The following GALNT15 variants were observed in gnomAD, a reference collection of about 807,000 sequenced individuals.
GALNT15 encodes the protein UDP-GalNAc transferase T15.
A neutral mutation model predicts 66.8 loss-of-function variants in GALNT15; 67 were observed. The ratio of observed to expected loss-of-function variants is 1.00; its 90% CI spans 0.82 to 1.23. The LOEUF (loss-of-function observed/expected upper bound fraction) is 1.23. Among genes scored for constraint, GALNT15 ranks in the 50% most tolerant of loss-of-function variants. The pLI is 0.00. For missense variants in GALNT15, 827 were observed against 804.3 expected, an observed-to-expected ratio of 1.03 and a Z score of -0.34; for synonymous variants, 313 against 311.5, an observed-to-expected ratio of 1.00 and a Z score of -0.05.
chr3:16,196,563 G>A (rs1402461664), intron 2 of GALNT15, among the ~76,000 whole-genome samples: 6 of 152,112 alleles, frequency 3.9e-5, no homozygotes, highest in Non-Finnish European at 8.8e-5. Flanking sequence ...GCCCCCACTT[G>A]ACTCGTAGGT....
intron 3 of GALNT15, among the ~76,000 whole-genome samples, chr3:16,201,283 G>A (rs574210989): frequency 9.2e-5 from 14 of 152,170 alleles, no homozygotes; most frequent in East Asian, 1.9e-4. Context: ...CCGGGTTCAC[G>A]CCATTCTCCT....
chr3:16,219,974 C>T lies in GALNT15; in HGVS notation c.1589C>T (p.Pro530Leu). The T allele has an allele frequency of 1.2e-6, 2 of 1,614,162 alleles. No individual in the cohort carries two copies. Among genetic ancestry groups the T allele is most frequent in the Admixed American group, 1.7e-5 (1 of 60,030 alleles). ...GCAGAAGGGGACATCCTGGGCTGTCCCATGGTGTTGGCTCCTTGCAGTGAC... is the reference window on the plus strand; with the variant it reads ...GCAGAAGGGGACATCCTGGGCTGTCTCATGGTGTTGGCTCCTTGCAGTGAC... ...CQAEGDILGC[P>L]MVLAPCSDSR... is the part of the protein sequence containing the mutation. The change falls in exon 8 of 10, where the codon CCC becomes CTC. Residue 530 changes from proline (P) to leucine (L), a missense_variant. Physicochemically the swap from Pro to Leu is moderately conservative, Grantham distance 98 (BLOSUM62 -3). Transcript: ENST00000339732. The surrounding 1 kb of genome is among the most constrained non-coding windows in gnomAD (Gnocchi z 4.3).
the GALNT15 span, among the ~76,000 whole-genome samples, chr3:16,242,371 G>A: frequency 2.6e-5 from 4 of 152,170 alleles, no homozygotes; most frequent in Non-Finnish European, 2.9e-5. The surrounding 1 kb of genome is among the most constrained non-coding windows in gnomAD (Gnocchi z 5.6). Flanking sequence ...TGCAGAATGC[G>A]TCTGCCCCTG....
chr3:16,235,295 G>A (rs1238164613), downstream of GALNT15, among the ~76,000 whole-genome samples: 1 of 152,178 alleles, frequency 6.6e-6, no homozygotes, highest in Non-Finnish European at 1.5e-5. Flanking sequence ...GGAGTGGAGA[G>A]AGGCCATGAG....
intron 3 of GALNT15, among the ~76,000 whole-genome samples, chr3:16,206,620 C>T (rs146844294): frequency 0.018 from 2,594 of 143,612 alleles, 45 homozygotes; most frequent in South Asian, 0.06. Flanking sequence ...TTGCAGTGAA[C>T]CGAGATCACG....
chr3:16,178,029 ACATGTACTGTG>A (rs1300733152), intron 1 of GALNT15, among the ~76,000 whole-genome samples: 2 of 152,066 alleles, frequency 1.3e-5, no homozygotes, highest in African/African-American at 4.8e-5. Context: ...TGTGATGTGC[ACATGTACTGTG>A]CATGTACTGT....
chr3:16,219,698 T>G lies in GALNT15; in HGVS notation c.1524+164T>G, dbSNP rs1406153925. ...TCCATGCCAGTCTGAGGAAGGTGGC[T>G]GAGTTTTGCCCCATTACCCACCCCA... On this transcript the variant is annotated intron_variant, in intron 7 of 9. Transcript: ENST00000339732. The surrounding 1 kb of genome is among the most constrained non-coding windows in gnomAD (Gnocchi z 4.3). 6.6e-6 allele frequency among the ~76,000 whole-genome samples: 1 copy of G among 152,200 alleles called. No homozygotes were observed. The highest frequency in any genetic ancestry group is 2.4e-5 in the African/African-American group (1 of 41,448).
At chr3:16,201,307 G>A (rs188987546) in intron 3 of GALNT15, among the ~76,000 whole-genome samples, 1,671 of 151,962 alleles carry the variant, frequency 0.011, 34 homozygotes, top group African/African-American at 0.038. Flanking sequence ...TCAGCCTCCC[G>A]AGTAGCTGGG....
At position 16,193,155 on chromosome 3, in the gene GALNT15, G is replaced by A. The variant is rs2063597267; in HGVS notation, c.540-2605G>A. Among the ~76,000 whole-genome samples, 2 of 152,224 alleles carry A rather than the reference G, an allele frequency of 1.3e-5. No individual in the cohort carries two copies. Among genetic ancestry groups the A allele is most frequent in the African/African-American group, 4.8e-5 (2 of 41,476 alleles). ...GAAAGAAAAAATTACTAGAAAGAGT[G>A]TTGCTTTCCCCAAAAACCTTGCATG... On this transcript the variant is annotated intron_variant, in intron 1 of 9. Coordinates refer to ENST00000339732, the MANE Select transcript of GALNT15 (RefSeq NM_054110.5). This position sits in a 1 kb window ranked among gnomAD's most constrained non-coding sequence, Gnocchi z 4.7.
At chr3:16,235,942 T>A (rs538395884), downstream of GALNT15, among the ~76,000 whole-genome samples, 210 of 151,204 alleles carry the variant, frequency 1.4e-3, no homozygotes, top group African/African-American at 4.9e-3. Flanking sequence ...CTGCCCCTAC[T>A]AAAAATACAA....
chr3:16,227,262 C>G lies in GALNT15; in HGVS notation c.1774-92C>G, dbSNP rs1394908. The G allele has an allele frequency of 0.14, 182,857 of 1,338,168 alleles. 13,269 individuals are homozygous for G. Among genetic ancestry groups the G allele is most frequent in the Admixed American group, 0.21 (9,804 of 46,136 alleles). The allele number at this position is 1,338,168 out of a possible 1,614,324, so 82.9% of individuals were successfully genotyped here. A position where few individuals can be genotyped will look rare whatever the true frequency, so the allele number is the denominator to read the frequency against. On this transcript the variant is annotated intron_variant, in intron 9 of 9. Coordinates refer to ENST00000339732, the MANE Select transcript of GALNT15 (RefSeq NM_054110.5). This position sits in a 1 kb window ranked among gnomAD's most constrained non-coding sequence, Gnocchi z 4.5. ...GCCAGTTCACACCATCTGTTATTCT[C>G]TTAATGATTAGCACAAATCTTAAAA...
rs778325694 is a variant in GALNT15 at position 16,219,446 on chromosome 3, G to C, written c.1436G>C (p.Arg479Thr). 4.3e-6 allele frequency: 7 copies of C among 1,614,130 alleles called. No individual in the cohort carries two copies. In the African/African-American group the frequency reaches 9.3e-5, roughly 22 times the overall value. ...DCMERLQLQR[R>T]LGCRTFHWFL... is the part of the protein sequence containing the mutation. The stretch of plus-strand genomic sequence containing the variant: ...ATGGAACGCTTGCAGCTGCAAAGGA[G>C]ACTGGGTTGTCGGACATTCCACTGG... Residue 479 changes from arginine (R) to threonine (T), a missense_variant, in exon 7 of 10, where the codon AGA becomes ACA. Transcript: ENST00000339732. The surrounding 1 kb of genome is among the most constrained non-coding windows in gnomAD (Gnocchi z 4.3).
chr3:16,233,148 T>C (rs1211316782), downstream of GALNT15, among the ~76,000 whole-genome samples: 2 of 132,016 alleles, frequency 1.5e-5, no homozygotes, highest in Non-Finnish European at 3.1e-5. Context: ...CAGGCTGGAG[T>C]GCAGTGGCAC....
At chr3:16,213,299 C>T (rs919424826) in intron 6 of GALNT15, among the ~76,000 whole-genome samples, 5 of 148,578 alleles carry the variant, frequency 3.4e-5, no homozygotes, top group African/African-American at 1.2e-4. Context: ...ACTAAAAATA[C>T]AAAAAATTAG....
At chr3:16,192,494 T>G (rs73818314) in intron 1 of GALNT15, among the ~76,000 whole-genome samples, 9,365 of 152,172 alleles carry the variant, frequency 0.062, 323 homozygotes, top group African/African-American at 0.079. Context: ...CCCACTAAAT[T>G]CACTGAGGCA....
chr3:16,233,094 C>CTTTTTTTTGTTTTTTTTTTTTTT (rs2064099809), downstream of GALNT15, among the ~76,000 whole-genome samples: 1 of 61,208 alleles, frequency 1.6e-5, no homozygotes, highest in African/African-American at 6.6e-5. Flanking sequence ...GATAATGCAT[C>CTTTTTTTTGTTTTTTTTTTTTTT]TTTTTTTTTT....
At chr3:16,234,466 C>A (rs2064114128), downstream of GALNT15, among the ~76,000 whole-genome samples, 2 of 152,200 alleles carry the variant, frequency 1.3e-5, no homozygotes, top group African/African-American at 4.8e-5. Flanking sequence ...TCAGCTCCCT[C>A]ACCTCTCCCA....
Position 16,193,995 on chromosome 3 carries a change from C to G in GALNT15, c.540-1765C>G, listed in dbSNP as rs1358136349. Among the ~76,000 whole-genome samples the G allele has an allele frequency of 2.6e-5, 4 of 152,154 alleles. No individual in the cohort carries two copies. The highest frequency in any genetic ancestry group is 9.7e-5 in the African/African-American group (4 of 41,418). ...CCAAAGCAAGGCAAACACCAAGCAC[C>G]CTGTTCACAGACAGCCCCTCAGCAG... On this transcript the variant is annotated intron_variant, in intron 1 of 9. Transcript: ENST00000339732. This position sits in a 1 kb window ranked among gnomAD's most constrained non-coding sequence, Gnocchi z 4.7.
intron 1 of GALNT15, among the ~76,000 whole-genome samples, chr3:16,194,789 A>G (rs148381279): frequency 0.031 from 4,684 of 152,284 alleles, 115 homozygotes; most frequent in Admixed American, 0.051. Context: ...GTGAGAACAC[A>G]TGGACACAGG....
Sources: gnomAD v4.1 joint callset for allele counts (sites outside exome capture counted in the v4.1 genomes callset) on GRCh38, gnomAD v4.1.1 for gene constraint, Gnocchi (gnomAD v3.1) non-coding constraint, MANE v1.5 for transcripts, NCBI Gene and HGNC (gene_info 2026-07-23, HGNC 2026-07-21) for gene names.